Variants in MYOCD observed in about 807,000 individuals in gnomAD.
MYOCD encodes the protein myocardin.
Under a neutral mutation model 96.1 loss-of-function variants are expected in MYOCD, and 32 were observed. The observed-to-expected ratio is 0.33, with a 90% confidence interval of 0.25 to 0.45. The LOEUF is 0.45. MYOCD is among the 20% of genes least tolerant of loss of function. The probability of loss-of-function intolerance (pLI) is 1.00; values close to 1 mark genes in which losing one functional copy is unlikely to be tolerated. For missense variants in MYOCD, 1,133 were observed against 1,200.6 expected, an observed-to-expected ratio of 0.94 and a Z score of 0.83; for synonymous variants, 469 against 469.0, an observed-to-expected ratio of 1.00 and a Z score of 0.00.
At chr17:12,671,850 G>T (rs185074765) in intron 1 of MYOCD, 1 of 152,334 alleles carries the variant, frequency 6.6e-6, no homozygotes, top group African/African-American at 2.4e-5. Context: ...AATAGGAGAT[G>T]CTAGAACAGG....
In MYOCD at chr17:12,752,920, G is replaced by T. The variant is rs2032899375; in HGVS notation, c.1632G>T (p.Glu544Asp). ...KLQQEQRQVE[E>D]LRMQLQKQKR... ...AGCAAGAGCAGAGGCAGGTGGAGGA[G>T]CTGAGGATGCAGCTTCAGAAGCAGA... Residue 544 changes from glutamate (E) to aspartate (D), a missense_variant, in exon 10 of 14, where the codon GAG becomes GAT. Glu to Asp is a conservative substitution (Grantham distance 45). Transcript: ENST00000425538. 6.2e-7 allele frequency: 1 copy of T among 1,614,008 alleles called. No individual in the cohort carries two copies. Among genetic ancestry groups the T allele is most frequent in the Admixed American group, 1.7e-5 (1 of 59,996 alleles).
chr17:12,729,302 A>C (rs2032096613), intron 5 of MYOCD, among the ~76,000 whole-genome samples: 2 of 152,102 alleles, frequency 1.3e-5, no homozygotes. Flanking sequence ...TGGGCAAGAG[A>C]ATCAGGGAGC....
intron 2 of MYOCD, among the ~76,000 whole-genome samples, chr17:12,714,211 C>CGG (rs1483163050): frequency 6.6e-6 from 1 of 151,998 alleles, no homozygotes; most frequent in African/African-American, 2.4e-5. Flanking sequence ...CTATGGCCAA[C>CGG]TACCATTATG....
At chr17:12,754,994 A>G (rs1441322284) in intron 10 of MYOCD, among the ~76,000 whole-genome samples, 1 of 152,206 alleles carries the variant, frequency 6.6e-6, no homozygotes, top group African/African-American at 2.4e-5. Context: ...TTCAAGTGGA[A>G]TATCTCCACC....
chr17:12,716,985 CAA>C (rs56992216), intron 3 of MYOCD, among the ~76,000 whole-genome samples: 306 of 112,168 alleles, frequency 2.7e-3, no homozygotes, highest in African/African-American at 4.4e-3. Context: ...GATGCTGTCT[CAA>C]AAAAAAAAAA....
intron 1 of MYOCD, among the ~76,000 whole-genome samples, chr17:12,698,418 G>C (rs2030883158): frequency 6.6e-6 from 1 of 152,162 alleles, no homozygotes; most frequent in African/African-American, 2.4e-5. Context: ...CTTGAGGTGA[G>C]AGGGAGAGGA....
chr17:12,731,331 C>T (rs892448197), intron 5 of MYOCD, among the ~76,000 whole-genome samples: 1 of 152,164 alleles, frequency 6.6e-6, no homozygotes, highest in African/African-American at 2.4e-5. Context: ...CACACTCCTC[C>T]TACTCTGAGG....
chr17:12,668,573 G>T (rs922636328), intron 1 of MYOCD, among the ~76,000 whole-genome samples: 1 of 152,002 alleles, frequency 6.6e-6, no homozygotes, highest in Non-Finnish European at 1.5e-5. Context: ...GCAGCAGTAA[G>T]CTCTGAAAGT....
chr17:12,710,570 T>G, intron 2 of MYOCD: 1 of 946,528 alleles, frequency 1.1e-6, no homozygotes, highest in Non-Finnish European at 1.3e-6. Context: ...TACTTCTGAA[T>G]AGCAAGAAGA....
At chr17:12,725,069 T>C (rs1432675025) in intron 5 of MYOCD, among the ~76,000 whole-genome samples, 2 of 152,062 alleles carry the variant, frequency 1.3e-5, no homozygotes, top group Non-Finnish European at 2.9e-5. Context: ...TTGTTGTTTT[T>C]AAGTAAAGTC....
At chr17:12,690,599 C>T (rs903933838) in intron 1 of MYOCD, among the ~76,000 whole-genome samples, 9 of 152,064 alleles carry the variant, frequency 5.9e-5, no homozygotes, top group African/African-American at 7.2e-5. Flanking sequence ...AAAAAATGGT[C>T]TCATTTTTGC....
At chr17:12,678,183 G>A (rs908528475) in intron 1 of MYOCD, among the ~76,000 whole-genome samples, 15 of 151,968 alleles carry the variant, frequency 9.9e-5, no homozygotes, top group South Asian at 4.2e-4. Flanking sequence ...GAGCCACCGC[G>A]CCCAGCCTAT....
At chr17:12,702,154 C>T (rs1303971194) in intron 1 of MYOCD, among the ~76,000 whole-genome samples, 1 of 152,008 alleles carries the variant, frequency 6.6e-6, no homozygotes, top group Non-Finnish European at 1.5e-5. Context: ...AAATCTCCTA[C>T]TGTCATTTTG....
chr17:12,739,204 A>T lies in MYOCD; in HGVS notation c.593A>T (p.Asp198Val). ...PSTGSLGTNQDLASGSENDRN... is the reference protein window; with the variant it reads ...PSTGSLGTNQVLASGSENDRN... ...ATATCGGTAACATTTGGATTTCAGG[A>T]TCTTGCTTCTGGCTCAGAAAATGAC... The change falls in exon 7 of 14, where the codon GAT becomes GTT. Residue 198 changes from aspartate to valine, a missense_variant and splice_region_variant. By Grantham distance (152) the Asp-to-Val change is radical (BLOSUM62 -3). Coordinates refer to ENST00000425538, the MANE Select transcript of MYOCD (RefSeq NM_001146312.3). 6.2e-7 allele frequency: 1 copy of T among 1,605,584 alleles called. No individual in the cohort carries two copies. The highest frequency in any genetic ancestry group is 8.5e-7 in the Non-Finnish European group (1 of 1,176,988).
At chr17:12,700,231 C>CCTTCATGTCCCCAAACT (rs1201737788) in intron 1 of MYOCD, among the ~76,000 whole-genome samples, 1 of 151,584 alleles carries the variant, frequency 6.6e-6, no homozygotes, top group Non-Finnish European at 1.5e-5. Context: ...TTTCTATCCT[C>CCTTCATGTCCCCAAACT]CTTCATGTCC....
intron 1 of MYOCD, 80 bp from the exon 2 acceptor site, chr17:12,705,048 G>A (rs967069253): frequency 2.7e-5 from 23 of 850,922 alleles, no homozygotes; most frequent in South Asian, 1.8e-4. Context: ...AAAATGAGAC[G>A]ATCTATGAAT....
chr17:12,714,435 A>G (rs2150682206), intron 2 of MYOCD, among the ~76,000 whole-genome samples: 1 of 152,004 alleles, frequency 6.6e-6, no homozygotes, highest in South Asian at 2.1e-4. Context: ...TGCAGCTTAC[A>G]GTAGACCACT....
At chr17:12,687,905 G>A (rs2030215517) in intron 1 of MYOCD, among the ~76,000 whole-genome samples, 1 of 152,176 alleles carries the variant, frequency 6.6e-6, no homozygotes, top group South Asian at 2.1e-4. Flanking sequence ...TGGCAACGTA[G>A]GAGAAGAAAT....
chr17:12,681,586 T>C (rs1016334509), intron 1 of MYOCD, among the ~76,000 whole-genome samples: 7 of 152,236 alleles, frequency 4.6e-5, no homozygotes, highest in African/African-American at 1.7e-4. Flanking sequence ...CTCTTGGTTT[T>C]GACTCGCCAA....
Sources: gnomAD v4.1 joint callset for allele counts (sites outside exome capture counted in the v4.1 genomes callset) on GRCh38, gnomAD v4.1.1 for gene constraint, MANE v1.5 for transcripts, NCBI Gene and HGNC (gene_info 2026-07-23, HGNC 2026-07-21) for gene names.